Variants in SGCZ observed in about 807,000 individuals in gnomAD.
SGCZ encodes the protein sarcoglycan zeta.
A neutral mutation model predicts 41.3 loss-of-function variants in SGCZ; 40 were observed. That is an observed-to-expected ratio of 0.97 (90% CI 0.75 to 1.26). The LOEUF (loss-of-function observed/expected upper bound fraction) is 1.26. Among genes scored for constraint, SGCZ ranks in the 50% most tolerant of loss-of-function variants. The pLI, the probability that SGCZ is intolerant of heterozygous loss-of-function variation, is 0.00. For missense variants in SGCZ, 552 were observed against 369.8 expected, an observed-to-expected ratio of 1.49 and a Z score of -4.04; for synonymous variants, 206 against 137.5, an observed-to-expected ratio of 1.50 and a Z score of -3.49.
At chr8:14,167,800 C>T (rs1217272375) in intron 4 of SGCZ, among the ~76,000 whole-genome samples, 1 of 152,136 alleles carries the variant, frequency 6.6e-6, no homozygotes, top group African/African-American at 2.4e-5. Flanking sequence ...ACATTCACAT[C>T]TGTTGCAGTC....
At chr8:15,034,034 T>G (rs776672432) in intron 1 of SGCZ, among the ~76,000 whole-genome samples, 2 of 151,992 alleles carry the variant, frequency 1.3e-5, no homozygotes, top group Non-Finnish European at 2.9e-5. Flanking sequence ...GGCTTCAACC[T>G]AAATTAAGAA....
chr8:14,267,579 T>C (rs1799918347), intron 3 of SGCZ, among the ~76,000 whole-genome samples: 3 of 152,104 alleles, frequency 2.0e-5, no homozygotes, highest in Non-Finnish European at 2.9e-5. Flanking sequence ...CATAATATTC[T>C]TAATTCCTCA....
At chr8:14,379,191 G>C (rs985000749) in intron 2 of SGCZ, among the ~76,000 whole-genome samples, 2 of 152,188 alleles carry the variant, frequency 1.3e-5, no homozygotes, top group East Asian at 3.9e-4. Flanking sequence ...ATTTTTATTT[G>C]CTGAAGATAT....
chr8:14,354,583 A>C (rs974674886), intron 2 of SGCZ, among the ~76,000 whole-genome samples: 3 of 151,708 alleles, frequency 2.0e-5, no homozygotes, highest in African/African-American at 7.2e-5. Context: ...CATAAACATA[A>C]TACAAGAGTA....
intron 2 of SGCZ, among the ~76,000 whole-genome samples, chr8:14,432,986 T>G (rs1799988819): frequency 6.9e-6 from 1 of 145,344 alleles, no homozygotes; most frequent in Admixed American, 6.8e-5. Flanking sequence ...CAATAACCTA[T>G]GGAAACAAAA....
chr8:15,173,882 C>G (rs1219555031), intron 1 of SGCZ, among the ~76,000 whole-genome samples: 2 of 152,072 alleles, frequency 1.3e-5, no homozygotes, highest in Non-Finnish European at 2.9e-5. Context: ...CATGCACCAC[C>G]ACACCTGGCT....
chr8:14,425,776 T>C (rs1799764466), intron 2 of SGCZ, among the ~76,000 whole-genome samples: 1 of 152,142 alleles, frequency 6.6e-6, no homozygotes, highest in Non-Finnish European at 1.5e-5. Context: ...ACTTAAGAAG[T>C]AGTAAAAGTG....
chr8:14,110,498 A>G lies in SGCZ; in HGVS notation c.548-2263T>C, dbSNP rs114477703. Among the ~76,000 whole-genome samples, 639 of 152,308 alleles carry G rather than the reference A, an allele frequency of 4.2e-3. 7 individuals are homozygous for G. The highest frequency in any genetic ancestry group is 0.015 in the African/African-American group (629 of 41,574). On this transcript the variant is annotated intron_variant, in intron 5 of 7. Transcript: ENST00000382080. Reference sequence around the variant, plus strand: ...ATAGAGGTCTCAATTCTGAGTGCCAATATAAAAATAATCATTTTTAAAGGA... The same window carrying G: ...ATAGAGGTCTCAATTCTGAGTGCCAGTATAAAAATAATCATTTTTAAAGGA...
intron 3 of SGCZ, among the ~76,000 whole-genome samples, chr8:14,267,348 A>C (rs1027812451): frequency 6.6e-6 from 1 of 152,118 alleles, no homozygotes; most frequent in African/African-American, 2.4e-5. Context: ...GCATGGAAAC[A>C]TAAGTAGCGT....
At chr8:15,000,070 C>G (rs913036495) in intron 1 of SGCZ, among the ~76,000 whole-genome samples, 2 of 152,098 alleles carry the variant, frequency 1.3e-5, no homozygotes, top group Non-Finnish European at 2.9e-5. Context: ...CTAATTCAAC[C>G]TGACTGGTGC....
At chr8:14,911,644 C>G (rs967944313) in intron 1 of SGCZ, among the ~76,000 whole-genome samples, 11 of 151,890 alleles carry the variant, frequency 7.2e-5, no homozygotes, top group African/African-American at 2.7e-4. Context: ...GAGTGCTTTA[C>G]TAATTAATGA....
In SGCZ at chr8:15,167,998, G is replaced by C. The variant is rs185326354; in HGVS notation, c.39+69587C>G. ...GACCAAGGGAGCTAACCAAAGCCAA[G>C]CACAATAACACCCAAATCTTTGCAG... On this transcript the variant is annotated intron_variant, in intron 1 of 7. Coordinates refer to ENST00000382080, the MANE Select transcript of SGCZ (RefSeq NM_139167.4). Among the ~76,000 whole-genome samples, 132 of 152,312 alleles carry C rather than the reference G, an allele frequency of 8.7e-4. 2 individuals are homozygous for C. Among genetic ancestry groups the C allele is most frequent in the Admixed American group, 1.2e-3 (18 of 15,300 alleles).
chr8:14,094,535 T>C (rs1163232671), intron 7 of SGCZ, among the ~76,000 whole-genome samples: 1 of 152,192 alleles, frequency 6.6e-6, no homozygotes, highest in Non-Finnish European at 1.5e-5. Flanking sequence ...GAGTCATTCA[T>C]TGATGGGCAT....
intron 1 of SGCZ, among the ~76,000 whole-genome samples, chr8:15,016,684 T>C (rs1803048681): frequency 1.3e-5 from 2 of 152,172 alleles, no homozygotes; most frequent in Non-Finnish European, 2.9e-5. Flanking sequence ...AGTAATGTGT[T>C]AGTCTATTTT....
intron 1 of SGCZ, among the ~76,000 whole-genome samples, chr8:15,103,341 C>G (rs998819245): frequency 1.3e-5 from 2 of 151,960 alleles, no homozygotes; most frequent in African/African-American, 4.8e-5. Context: ...GCAGAGGCTG[C>G]AGTGAGCAGA....
At chr8:14,916,826 G>C (rs73666944) in intron 1 of SGCZ, among the ~76,000 whole-genome samples, 3,608 of 151,938 alleles carry the variant, frequency 0.024, 145 homozygotes, top group African/African-American at 0.083. Flanking sequence ...GATTCAGCTG[G>C]GTACTTTGTA....
chr8:14,975,272 C>T (rs1801427301), intron 1 of SGCZ, among the ~76,000 whole-genome samples: 1 of 152,152 alleles, frequency 6.6e-6, no homozygotes, highest in African/African-American at 2.4e-5. Context: ...CACCACTGCA[C>T]TCCAGCCTGG....
intron 2 of SGCZ, among the ~76,000 whole-genome samples, chr8:14,405,708 G>A (rs1046968096): frequency 1.3e-5 from 2 of 152,132 alleles, no homozygotes; most frequent in African/African-American, 4.8e-5. Flanking sequence ...TAATTTTCAA[G>A]CCTGTGATTT....
chr8:15,182,827 A>G (rs930203404), intron 1 of SGCZ, among the ~76,000 whole-genome samples: 1 of 152,246 alleles, frequency 6.6e-6, no homozygotes, highest in East Asian at 1.9e-4. Context: ...AATTTTTTAA[A>G]CTTTTCGGCT....
Sources: gnomAD v4.1 joint callset for allele counts (sites outside exome capture counted in the v4.1 genomes callset) on GRCh38, gnomAD v4.1.1 for gene constraint, MANE v1.5 for transcripts, NCBI Gene and HGNC (gene_info 2026-07-23, HGNC 2026-07-21) for gene names.